Variants in MTERF3 observed in about 807,000 individuals in gnomAD.
MTERF3 encodes mitochondrial transcription termination factor 3.
MTERF3 carries 40 observed loss-of-function variants against 40.5 expected under a neutral mutation model. The ratio of observed to expected loss-of-function variants is 0.99; its 90% CI spans 0.77 to 1.29. The LOEUF (loss-of-function observed/expected upper bound fraction) is 1.29, where lower values mean the gene tolerates loss of function less well. Among genes scored for constraint, MTERF3 ranks in the 50% most tolerant of loss-of-function variants. The pLI is 0.00. For synonymous variants in MTERF3, 158 were observed against 166.6 expected (o/e 0.95, Z 0.40); for missense variants, 452 against 478.2 (o/e 0.95, Z 0.51).
chr8:96,259,413 T>TA (rs34840708), intron 1 of MTERF3, among the ~76,000 whole-genome samples: 152,344 of 152,346 alleles, frequency 1, 76,171 homozygotes, highest in Non-Finnish European at 1. Context: ...TCAAAACTAG[T>TA]AACAAAACCA....
chr8:96,240,974 T>C (rs2129864516), intron 7 of MTERF3, among the ~76,000 whole-genome samples: 1 of 152,290 alleles, frequency 6.6e-6, no homozygotes, highest in East Asian at 1.9e-4. Flanking sequence ...ACAGAACATC[T>C]CCCTTCTCAG....
At chr8:96,260,732 G>A (rs1359505223) in intron 1 of MTERF3, among the ~76,000 whole-genome samples, 1 of 152,158 alleles carries the variant, frequency 6.6e-6, no homozygotes, top group African/African-American at 2.4e-5. Context: ...ATTTACAAGT[G>A]CACTATCTTC....
intron 7 of MTERF3, among the ~76,000 whole-genome samples, chr8:96,242,319 G>A (rs559560129): frequency 6.6e-6 from 1 of 152,278 alleles, no homozygotes; most frequent in South Asian, 2.1e-4. Context: ...TAAAATCTGT[G>A]TTTTTAAGTG....
intron 1 of MTERF3, 26 bp from the exon 2 acceptor site, chr8:96,258,726 AAAG>A (rs755955487): frequency 2.1e-6 from 3 of 1,458,118 alleles, no homozygotes; most frequent in South Asian, 1.4e-5. Flanking sequence ...ATAACCGTCA[AAAG>A]AAGAGAAATT....
chr8:96,245,922 G>A lies in MTERF3; in HGVS notation c.835C>T (p.Leu279=). 1 of 1,613,902 alleles carries A rather than the reference G, an allele frequency of 6.2e-7. No homozygotes were observed. The highest frequency in any genetic ancestry group is 1.3e-5 in the African/African-American group (1 of 75,032). Residue 279 remains leucine, a synonymous_variant, in exon 6 of 8, where the codon CTG becomes TTG. Transcript: ENST00000287025. ...LELSVKKTRD[L]VVRLPRLLTG... is the part of the protein sequence containing the mutation. The stretch of plus-strand genomic sequence containing the variant: ...AGCAGCCTTGGGAGACGAACTACCA[G>A]ATCTCTAGTCTGTGGTTGCAAACAA...
In MTERF3 at chr8:96,253,241, A is replaced by C. The variant is rs530048488; in HGVS notation, c.488-2146T>G. 9.2e-5 allele frequency among the ~76,000 whole-genome samples: 14 copies of C among 152,268 alleles called. No homozygotes were observed. In the South Asian group the frequency reaches 2.9e-3, roughly 32 times the overall value. On this transcript the variant is annotated intron_variant, in intron 3 of 7. Transcript: ENST00000287025. The stretch of plus-strand genomic sequence containing the variant: ...GAGCAGCCTTAAGAGAACAAACAAG[A>C]GCCTTCCCAACAATAAAGAGACAAG...
At position 96,258,642 on chromosome 8, in the gene MTERF3, A is replaced by T. The variant is rs1368992688; in HGVS notation, c.49T>A (p.Leu17Met). 21 of 1,613,798 alleles carry T rather than the reference A, an allele frequency of 1.3e-5. No individual in the cohort carries two copies. Among genetic ancestry groups the T allele is most frequent in the Non-Finnish European group, 1.8e-5 (21 of 1,179,796 alleles). ...QIPRWFNSVKLRSLINAAQLT... is the reference protein window; with the variant it reads ...QIPRWFNSVKMRSLINAAQLT... ...TGTGCAGCATTAATGAGGCTCCTCA[A>T]CTTAACTGAGTTAAACCATCTGGGT... The change falls in exon 2 of 8, where the codon TTG (leucine) becomes ATG (methionine). Residue 17 changes from leucine (L) to methionine (M), a missense_variant. By Grantham distance (15) the Leu-to-Met change is conservative (BLOSUM62 2). Coordinates refer to ENST00000287025, the MANE Select transcript of MTERF3 (RefSeq NM_015942.5).
At chr8:96,250,615 C>CA (rs1554579910) in intron 4 of MTERF3, among the ~76,000 whole-genome samples, 1 of 11,822 alleles carries the variant, frequency 8.5e-5, no homozygotes, top group East Asian at 1.4e-3. Context: ...GAGGCTGAGG[C>CA]AGAAGAAGAA....
At chr8:96,258,284 A>G in intron 2 of MTERF3, 73 bp downstream of exon 2, 1 of 1,472,372 alleles carries the variant, frequency 6.8e-7, no homozygotes, top group South Asian at 1.4e-5. Flanking sequence ...ATGGGCTAGC[A>G]GAAGGTAAAC....
Position 96,258,371 on chromosome 8 carries a change from TC to T in MTERF3, c.319del (p.Glu107SerfsTer4). The T allele has an allele frequency of 6.2e-7, 1 of 1,610,384 alleles. No individual in the cohort carries two copies. Among genetic ancestry groups the T allele is most frequent in the Non-Finnish European group, 8.5e-7 (1 of 1,177,098 alleles). On this transcript the variant is annotated frameshift_variant, in exon 2 of 8. Coordinates refer to ENST00000287025, the MANE Select transcript of MTERF3 (RefSeq NM_015942.5). LOFTEE classifies it high-confidence loss of function. The part of the protein sequence containing the change: ...KTQNISSFDS[E>X]LFLEELDELP... ...TTCAGAATTACCTTCTAGAAACAGC[TC>T]AGAATCAAAGCTGGATATATTTTGT...
chr8:96,247,506 A>G (rs1810043136), intron 4 of MTERF3, among the ~76,000 whole-genome samples: 1 of 152,220 alleles, frequency 6.6e-6, no homozygotes, highest in Non-Finnish European at 1.5e-5. Flanking sequence ...GAAAAACAAA[A>G]AAACTTGTGA....
intron 7 of MTERF3, 26 bp downstream of exon 7, chr8:96,243,893 A>C (rs780260515): frequency 1.9e-6 from 3 of 1,610,184 alleles, no homozygotes; most frequent in Non-Finnish European, 2.5e-6. Context: ...GGCAGCGCTT[A>C]CAGAGAGAGC....
intron 7 of MTERF3, 140 bp downstream of exon 7, chr8:96,243,779 A>T: frequency 1.1e-6 from 1 of 878,720 alleles, no homozygotes; most frequent in Non-Finnish European, 1.7e-6. Context: ...GAGACTAATC[A>T]CTGATTTCTC....
rs762448558 is a variant in MTERF3 at position 96,243,980 on chromosome 8, G to A, written c.998C>T (p.Thr333Met). 175 of 1,613,948 alleles carry A rather than the reference G, an allele frequency of 1.1e-4. No homozygotes were observed. The highest frequency in any genetic ancestry group is 4.0e-4 in the Admixed American group (24 of 59,994). ...CATCACATTGTGCACAAAATCAAAC[G>A]TCTCGGTAAGTTTCATTTTATTTGC... The part of the protein sequence containing the change: ...LTANKMKLTE[T>M]FDFVHNVMSI... The change falls in exon 7 of 8, where the codon ACG becomes ATG. Residue 333 changes from threonine (T) to methionine (M), a missense_variant. Transcript: ENST00000287025.
At position 96,258,414 on chromosome 8, in the gene MTERF3, C is replaced by A. The variant is rs1810320152; in HGVS notation, c.277G>T (p.Glu93Ter). The change falls in exon 2 of 8, where the codon GAA (glutamate) becomes TAA (stop). Residue 93 changes from glutamate to a stop codon, truncating the protein, a stop_gained. Coordinates refer to ENST00000287025, the MANE Select transcript of MTERF3 (RefSeq NM_015942.5). LOFTEE classifies it high-confidence loss of function. ...AQSSLLPSMN[E>*]QSQKTQNISS... ...ATATTTTGTGTCTTCTGTGACTGTTCATTCATGGAAGGAAGCAGACTGCTT... is the reference window on the plus strand; with the variant it reads ...ATATTTTGTGTCTTCTGTGACTGTTAATTCATGGAAGGAAGCAGACTGCTT... The A allele has an allele frequency of 6.2e-7, 1 of 1,614,082 alleles. No individual in the cohort carries two copies. The highest frequency in any genetic ancestry group is 8.5e-7 in the Non-Finnish European group (1 of 1,179,958).
intron 4 of MTERF3, 145 bp downstream of exon 4, chr8:96,250,760 AT>A: frequency 2.2e-5 from 13 of 602,340 alleles, no homozygotes; most frequent in Non-Finnish European, 3.5e-5. Flanking sequence ...TAAATACTTA[AT>A]TTAGATCAAA....
chr8:96,257,444 G>C (rs1041253294), intron 2 of MTERF3, among the ~76,000 whole-genome samples: 5 of 152,162 alleles, frequency 3.3e-5, no homozygotes, highest in African/African-American at 1.2e-4. Flanking sequence ...ACCATAGCCT[G>C]TTAACTTGGC....
chr8:96,251,144 A>G (rs779085416), intron 3 of MTERF3, 49 bp from the exon 4 acceptor site: 10 of 1,443,014 alleles, frequency 6.9e-6, no homozygotes, highest in Non-Finnish European at 9.2e-7. Flanking sequence ...TAGTTCACCC[A>G]TTAAACTCAT....
At position 96,250,613 on chromosome 8, in the gene MTERF3, G is replaced by A. The variant is rs1286141377; in HGVS notation, c.677+293C>T. ...GTCACCCAGCTACTTGGGAGGCTGA[G>A]GCAGAAGAAGAAGAAGAAGAAGAAG... On this transcript the variant is annotated intron_variant, in intron 4 of 7. Coordinates refer to ENST00000287025, the MANE Select transcript of MTERF3 (RefSeq NM_015942.5). Among the ~76,000 whole-genome samples, 70 of 28,436 alleles carry A rather than the reference G, an allele frequency of 2.5e-3. 1 individual carries two copies. The Middle Eastern group carries it at 0.079, about 32-fold the overall frequency. The allele number at this position is 28,436 out of a possible 152,430, so 18.7% of individuals were successfully genotyped here.
Sources: allele counts gnomAD v4.1 joint callset (sites outside exome capture counted in the v4.1 genomes callset), GRCh38; gene constraint gnomAD v4.1.1; transcripts MANE v1.5; gene names NCBI Gene and HGNC (gene_info 2026-07-23, HGNC 2026-07-21).